Variants in PHF21A observed in about 807,000 individuals in gnomAD.
The protein encoded by PHF21A is PHD finger protein 21A, also known as BHC80a.
A neutral mutation model predicts 82.5 loss-of-function variants in PHF21A; 11 were observed. The observed-to-expected ratio is 0.13, with a 90% CI of 0.08 to 0.22. The LOEUF is 0.22. Among genes scored for constraint, PHF21A ranks in the 10% least tolerant of loss-of-function variants. The pLI is 1.00. For synonymous variants in PHF21A, 297 were observed against 302.8 expected (o/e 0.98, Z 0.20); for missense variants, 579 against 837.8 (o/e 0.69, Z 3.81).
chr11:46,101,961 G>A (rs540809695), intron 1 of PHF21A, among the ~76,000 whole-genome samples: 1 of 151,698 alleles, frequency 6.6e-6, no homozygotes, highest in Admixed American at 6.6e-5. Context: ...GTGTTCAAGC[G>A]ATTCTCCTGC....
Position 45,938,061 on chromosome 11 carries a change from G to A in PHF21A, c.1608+96C>T, listed in dbSNP as rs2089504066. ...TGCAGCCCGGAGACGGACTGGGAGA[G>A]AGAAGAGACTGCCATTTCCCCGGGA... is the stretch of plus-strand genomic sequence containing the variant. On this transcript the variant is annotated intron_variant, in intron 16 of 18. Coordinates refer to ENST00000676320, the MANE Select transcript of PHF21A (RefSeq NM_001352027.3). 3.7e-6 allele frequency: 4 copies of A among 1,071,340 alleles called. No individual in the cohort carries two copies. In the Admixed American group the frequency reaches 7.3e-5, roughly 20 times the overall value. The allele number at this position is 1,071,340 out of a possible 1,614,324, so 66.4% of individuals were successfully genotyped here. A position where few individuals can be genotyped will look rare whatever the true frequency, so the allele number is the denominator to read the frequency against.
intron 10 of PHF21A, among the ~76,000 whole-genome samples, chr11:45,955,100 G>A (rs775149496): frequency 1.3e-5 from 2 of 152,176 alleles, no homozygotes; most frequent in African/African-American, 2.4e-5. Flanking sequence ...GTGTTCTCTC[G>A]TATTTCCCCC....
intron 12 of PHF21A, among the ~76,000 whole-genome samples, chr11:45,949,786 T>C (rs2091862430): frequency 6.6e-6 from 1 of 152,230 alleles, no homozygotes; most frequent in Non-Finnish European, 1.5e-5. Flanking sequence ...ATGAGCTTTA[T>C]CCATAAGACT....
intron 1 of PHF21A, among the ~76,000 whole-genome samples, chr11:46,101,824 C>G (rs1432825911): frequency 6.6e-6 from 1 of 151,552 alleles, no homozygotes; most frequent in Non-Finnish European, 1.5e-5. Context: ...TTTGTAGAAA[C>G]AGGGTTTCAC....
chr11:46,103,391 T>C (rs1204163653), intron 1 of PHF21A, among the ~76,000 whole-genome samples: 2 of 152,222 alleles, frequency 1.3e-5, no homozygotes, highest in Non-Finnish European at 2.9e-5. Flanking sequence ...CAAAGTAAGA[T>C]TACAATTATT....
At chr11:46,068,217 A>G (rs1006753727) in intron 6 of PHF21A, among the ~76,000 whole-genome samples, 3 of 152,184 alleles carry the variant, frequency 2.0e-5, no homozygotes. Context: ...CATTCTCTGC[A>G]TCCTCCATGG....
At chr11:45,957,751 C>CAAAAAAAAAAAAAAAAAGAAAAAAAAAAA (rs2092750679) in intron 10 of PHF21A, among the ~76,000 whole-genome samples, 2 of 60,894 alleles carry the variant, frequency 3.3e-5, no homozygotes, top group African/African-American at 6.0e-5. Context: ...AAATTCAAAG[C>CAAAAAAAAAAAAAAAAAGAAAAAAAAAAA]AAAAAAAAAA....
At chr11:46,083,820 T>A (rs758098969) in intron 4 of PHF21A, among the ~76,000 whole-genome samples, 17 of 152,318 alleles carry the variant, frequency 1.1e-4, no homozygotes, top group Admixed American at 6.5e-4. Flanking sequence ...GGTAGTTGAG[T>A]TAGACATGTT....
intron 10 of PHF21A, among the ~76,000 whole-genome samples, chr11:45,963,297 G>A (rs1263427578): frequency 6.6e-6 from 1 of 151,716 alleles, no homozygotes; most frequent in African/African-American, 2.4e-5. Context: ...GCGGGCACCT[G>A]TAATCTCAGC....
intron 6 of PHF21A, among the ~76,000 whole-genome samples, chr11:46,076,437 T>C (rs948992996): frequency 1.3e-5 from 2 of 152,222 alleles, no homozygotes; most frequent in Admixed American, 1.3e-4. Flanking sequence ...CAAGATTCTC[T>C]ATCACCTATT....
chr11:45,992,905 G>A lies in PHF21A; in HGVS notation c.154-12939C>T, dbSNP rs1368949458. Among the ~76,000 whole-genome samples, 5 of 152,254 alleles carry A rather than the reference G, an allele frequency of 3.3e-5. No homozygotes were observed. In the East Asian group the frequency reaches 7.7e-4, roughly 24 times the overall value. On this transcript the variant is annotated intron_variant, in intron 6 of 18. Coordinates refer to ENST00000676320, the MANE Select transcript of PHF21A (RefSeq NM_001352027.3). ...CTGACACAAGGATAAACTGAAATCC[G>A]TTCCTCTACCACTGAACCGCAGCTA... is the stretch of plus-strand genomic sequence containing the variant.
intron 1 of PHF21A, among the ~76,000 whole-genome samples, chr11:46,099,257 C>T (rs2097053367): frequency 6.6e-6 from 1 of 152,102 alleles, no homozygotes; most frequent in African/African-American, 2.4e-5. Context: ...AAACAAAACT[C>T]AACTCCTCCC....
At chr11:45,969,951 CA>C (rs1019595429) in intron 8 of PHF21A, 47 bp from the exon 9 acceptor site, 1 of 1,193,680 alleles carries the variant, frequency 8.4e-7, no homozygotes, top group African/African-American at 1.5e-5. Context: ...AATTACTCTT[CA>C]ATATCAAAGC....
chr11:46,048,182 G>C (rs1296567769), intron 6 of PHF21A, among the ~76,000 whole-genome samples: 1 of 151,986 alleles, frequency 6.6e-6, no homozygotes, highest in Non-Finnish European at 1.5e-5. Flanking sequence ...CCCAGCCCTG[G>C]GCAACCATTA....
Position 46,106,512 on chromosome 11 carries a change from A to G in PHF21A, c.-236-14289T>C, listed in dbSNP as rs78927968. Reference sequence around the variant, plus strand: ...GTGTTGGGGGTTGGGGGAAGTAAACAAATACTAAATAGAATAATTCAAGTT... The same window carrying G: ...GTGTTGGGGGTTGGGGGAAGTAAACGAATACTAAATAGAATAATTCAAGTT... On this transcript the variant is annotated intron_variant, in intron 1 of 18. Transcript: ENST00000676320. Among the ~76,000 whole-genome samples, 521 of 152,336 alleles carry G rather than the reference A, an allele frequency of 3.4e-3. 4 individuals carry two copies. Among genetic ancestry groups the G allele is most frequent in the African/African-American group, 0.012 (503 of 41,578 alleles).
chr11:46,048,776 A>G (rs539758745), intron 6 of PHF21A, among the ~76,000 whole-genome samples: 25 of 152,266 alleles, frequency 1.6e-4, no homozygotes, highest in Admixed American at 9.2e-4. Context: ...TCTCAAAAAA[A>G]AAATAATTTT....
chr11:45,949,362 C>T (rs774724787), intron 13 of PHF21A, 40 bp downstream of exon 13: 3 of 1,537,356 alleles, frequency 2.0e-6, no homozygotes, highest in South Asian at 2.2e-5. Context: ...ATAAATAAAA[C>T]TGGAACATGA....
chr11:45,961,839 G>A (rs1469581152), intron 10 of PHF21A, among the ~76,000 whole-genome samples: 2 of 152,162 alleles, frequency 1.3e-5, no homozygotes, highest in African/African-American at 2.4e-5. Context: ...AAGTCTTCTG[G>A]CTTCATCTAC....
At chr11:46,025,792 A>G (rs2095732080) in intron 6 of PHF21A, among the ~76,000 whole-genome samples, 1 of 152,194 alleles carries the variant, frequency 6.6e-6, no homozygotes, top group South Asian at 2.1e-4. Flanking sequence ...TCATAGGCAT[A>G]ATATGGCTTT....
Sources: gnomAD v4.1 joint callset for allele counts (sites outside exome capture counted in the v4.1 genomes callset) on GRCh38, gnomAD v4.1.1 for gene constraint, MANE v1.5 for transcripts, NCBI Gene and HGNC (gene_info 2026-07-23, HGNC 2026-07-21) for gene names.